The following EPHB1 variants were observed in gnomAD, a reference collection of about 807,000 sequenced individuals.
EPHB1 encodes the protein EPH receptor B1.
Under a neutral mutation model 94.4 loss-of-function variants are expected in EPHB1, and 30 were observed. The observed-to-expected ratio is 0.32, with a 90% CI of 0.24 to 0.43. EPHB1 has a LOEUF of 0.43. EPHB1 is among the 20% of genes least tolerant of loss of function. The pLI is 1.00. For missense variants in EPHB1, 1,055 were observed against 1,308.3 expected, an observed-to-expected ratio of 0.81 and a Z score of 2.99; for synonymous variants, 522 against 489.1, an observed-to-expected ratio of 1.07 and a Z score of -0.89.
chr3:135,072,775 A>C lies in EPHB1; in HGVS notation c.806-33673A>C, dbSNP rs80328727. ...GTTTTACTTGCTATAAAGTGAATCC[A>C]TATATGAAACCTTCTTGTGCAGTTG... On this transcript the variant is annotated intron_variant, in intron 3 of 15. Transcript: ENST00000398015. Among the ~76,000 whole-genome samples, 4 of 152,324 alleles carry C rather than the reference A, an allele frequency of 2.6e-5. No homozygotes were observed. In the East Asian group the frequency reaches 7.7e-4, roughly 29 times the overall value.
chr3:135,093,369 C>G lies in EPHB1; in HGVS notation c.806-13079C>G, dbSNP rs146185090. On this transcript the variant is annotated intron_variant, in intron 3 of 15. Coordinates refer to ENST00000398015, the MANE Select transcript of EPHB1 (RefSeq NM_004441.5). ...TGGGGCCTCACTTCTCGCCTTCTTG[C>G]CACACCACTCACACTACTCCTACCT... Among the ~76,000 whole-genome samples the G allele has an allele frequency of 3.9e-3, 588 of 152,230 alleles. 9 individuals carry two copies. Among genetic ancestry groups the G allele is most frequent in the African/African-American group, 0.013 (551 of 41,540 alleles).
At chr3:134,926,700 C>T (rs2038798904) in intron 2 of EPHB1, among the ~76,000 whole-genome samples, 2 of 152,078 alleles carry the variant, frequency 1.3e-5, no homozygotes, top group South Asian at 4.2e-4. Context: ...ACTGTGACTG[C>T]CATGCTGAGC....
Position 135,248,478 on chromosome 3 carries a change from A to G in EPHB1, c.2659A>G (p.Ser887Gly), listed in dbSNP as rs1223017770. 6.2e-7 allele frequency: 1 copy of G among 1,611,880 alleles called. No individual in the cohort carries two copies. The highest frequency in any genetic ancestry group is 1.3e-5 in the African/African-American group (1 of 74,894). Reference sequence around the variant, plus strand: ...AGATAAGATGATCCGGAACCCGGCAAGTCTCAAGACTGTGGCAACCATCAC... The same window carrying G: ...AGATAAGATGATCCGGAACCCGGCAGGTCTCAAGACTGTGGCAACCATCAC... ...TLDKMIRNPA[S>G]LKTVATITAV... Residue 887 changes from serine (S) to glycine (G), a missense_variant, in exon 14 of 16, where the codon AGT becomes GGT. Transcript: ENST00000398015.
intron 5 of EPHB1, among the ~76,000 whole-genome samples, chr3:135,148,535 G>A (rs569927385): frequency 4.6e-5 from 7 of 151,848 alleles, no homozygotes; most frequent in Non-Finnish European, 7.4e-5. Context: ...CTGCATCTTC[G>A]ATACTACTGG....
chr3:135,154,103 C>T, intron 5 of EPHB1, 49 bp from the exon 6 acceptor site: 1 of 1,611,658 alleles, frequency 6.2e-7, no homozygotes, highest in Non-Finnish European at 8.5e-7. Flanking sequence ...GGCCCTTCCC[C>T]TATAATTGAG....
intron 4 of EPHB1, among the ~76,000 whole-genome samples, chr3:135,130,809 C>A (rs184940023): frequency 6.6e-6 from 1 of 152,298 alleles, no homozygotes; most frequent in East Asian, 1.9e-4. Context: ...ATAAAGCAAG[C>A]ACTCAGTGAA....
At chr3:134,898,403 C>T (rs559816634) in intron 1 of EPHB1, among the ~76,000 whole-genome samples, 1 of 152,284 alleles carries the variant, frequency 6.6e-6, no homozygotes, top group Non-Finnish European at 1.5e-5. Context: ...GACTCCTCTT[C>T]ATCTAAAGGA....
At chr3:134,896,524 C>T (rs2038090252) in intron 1 of EPHB1, among the ~76,000 whole-genome samples, 1 of 152,220 alleles carries the variant, frequency 6.6e-6, no homozygotes, top group African/African-American at 2.4e-5. Context: ...TATTTCCACC[C>T]CCACTGATGT....
rs112291266 is a variant in EPHB1 at position 135,175,238 on chromosome 3, A to G, written c.1760-4622A>G. 3.3e-5 allele frequency among the ~76,000 whole-genome samples: 5 copies of G among 152,332 alleles called. 1 individual carries two copies. The highest frequency in any genetic ancestry group is 1.2e-4 in the African/African-American group (5 of 41,578). ...TACAACATCCCCAGAGACATGTCCC[A>G]GCCTTTTCACTTTTGAGAGCATCCT... On this transcript the variant is annotated intron_variant, in intron 9 of 15. Coordinates refer to ENST00000398015, the MANE Select transcript of EPHB1 (RefSeq NM_004441.5).
chr3:134,853,184 A>T (rs2108300454), intron 1 of EPHB1, among the ~76,000 whole-genome samples: 1 of 152,354 alleles, frequency 6.6e-6, no homozygotes, highest in East Asian at 1.9e-4. Flanking sequence ...GGAAGGCGAA[A>T]GCTTACCTGG....
chr3:135,030,822 C>A (rs1329998748), intron 3 of EPHB1, among the ~76,000 whole-genome samples: 2 of 152,206 alleles, frequency 1.3e-5, no homozygotes, highest in Admixed American at 1.3e-4. Flanking sequence ...CCTCCCCCAG[C>A]CTCGCTGCCG....
At chr3:135,181,320 GTT>G (rs1942146355) in intron 10 of EPHB1, among the ~76,000 whole-genome samples, 1 of 152,224 alleles carries the variant, frequency 6.6e-6, no homozygotes, top group South Asian at 2.1e-4. Flanking sequence ...ATCCACTTGA[GTT>G]TATGCATATT....
chr3:135,249,227 C>T, intron 14 of EPHB1, 109 bp from the exon 15 acceptor site: 1 of 1,292,652 alleles, frequency 7.7e-7, no homozygotes, highest in Non-Finnish European at 1.1e-6. Context: ...CTATAATCCT[C>T]ATTCCATCAG....
chr3:135,064,527 G>T (rs752775972), intron 3 of EPHB1, among the ~76,000 whole-genome samples: 3 of 151,744 alleles, frequency 2.0e-5, no homozygotes, highest in Non-Finnish European at 4.4e-5. Flanking sequence ...TTGTATTTCT[G>T]TGATGTCAGT....
chr3:134,868,005 G>C (rs1250870207), intron 1 of EPHB1, among the ~76,000 whole-genome samples: 1 of 152,178 alleles, frequency 6.6e-6, no homozygotes, highest in Non-Finnish European at 1.5e-5. Context: ...AGGGAGATTT[G>C]AAGAAGGGAC....
chr3:135,031,804 T>A (rs1040124873), intron 3 of EPHB1, among the ~76,000 whole-genome samples: 5 of 152,212 alleles, frequency 3.3e-5, no homozygotes, highest in Non-Finnish European at 2.9e-5. Flanking sequence ...GTAAATGTTT[T>A]GTATCCTCAC....
chr3:134,976,748 G>A (rs1934207724), intron 3 of EPHB1, among the ~76,000 whole-genome samples: 3 of 152,118 alleles, frequency 2.0e-5, no homozygotes, highest in Admixed American at 1.3e-4. Flanking sequence ...AAAAAAAAAG[G>A]TTAGGGCTTG....
intron 5 of EPHB1, among the ~76,000 whole-genome samples, chr3:135,142,579 G>T (rs1244565340): frequency 6.6e-6 from 1 of 152,236 alleles, no homozygotes; most frequent in African/African-American, 2.4e-5. Context: ...GGCCAAGAGT[G>T]CCAGATGAAG....
intron 4 of EPHB1, among the ~76,000 whole-genome samples, chr3:135,124,440 C>A (rs952811895): frequency 6.6e-6 from 1 of 151,778 alleles, no homozygotes; most frequent in Non-Finnish European, 1.5e-5. Context: ...GTGTCACTGT[C>A]TTCACATTCA....
Sources: gnomAD v4.1 joint callset for allele counts (sites outside exome capture counted in the v4.1 genomes callset) on GRCh38, gnomAD v4.1.1 for gene constraint, MANE v1.5 for transcripts, NCBI Gene and HGNC (gene_info 2026-07-23, HGNC 2026-07-21) for gene names.